The following SUN1 variants were observed in gnomAD, a reference collection of about 807,000 sequenced individuals.
SUN1 encodes Sad1 and UNC84 domain containing 1, also known as SUN domain-containing protein 1.
A neutral mutation model predicts 103.2 loss-of-function variants in SUN1; 61 were observed. The ratio of observed to expected loss-of-function variants is 0.59; its 90% CI spans 0.48 to 0.73. SUN1 has a LOEUF of 0.73. Ranked by LOEUF, SUN1 falls within the 30% of genes least tolerant of loss-of-function variation. The pLI is 0.00. For synonymous variants in SUN1, 490 were observed against 425.7 expected, an observed-to-expected ratio of 1.15 and a Z score of -1.86; for missense variants, 1,052 against 1,034.6, an observed-to-expected ratio of 1.02 and a Z score of -0.23.
intron 5 of SUN1, chr7:848,333 A>G (rs954108074): frequency 8.4e-7 from 1 of 1,186,124 alleles, no homozygotes. Flanking sequence ...AGTGCCTGAA[A>G]TGAATAATTT....
intron 17 of SUN1, among the ~76,000 whole-genome samples, chr7:872,127 A>G (rs1242961315): frequency 6.6e-6 from 1 of 152,180 alleles, no homozygotes; most frequent in Admixed American, 6.5e-5. Context: ...CAGAGCTTCC[A>G]CTGTGAGTGC....
chr7:820,310 C>T (rs562147240), intron 1 of SUN1, among the ~76,000 whole-genome samples: 1 of 152,132 alleles, frequency 6.6e-6, no homozygotes, highest in Non-Finnish European at 1.5e-5. Flanking sequence ...AAATTTATTC[C>T]TAAGTTTTTA....
At chr7:815,854 G>C (rs1381179142), upstream of SUN1, 1 of 209,322 alleles carries the variant, frequency 4.8e-6, no homozygotes, top group Non-Finnish European at 9.9e-6. Context: ...CGCACGCCCG[G>C]AGCGGCGGGG....
At position 873,223 on chromosome 7, in the gene SUN1, C is replaced by T. The variant is rs61741990; in HGVS notation, c.2250C>T (p.Pro750=). The T allele has an allele frequency of 2.7e-3, 4,401 of 1,614,144 alleles. 11 individuals are homozygous for T. The highest frequency in any genetic ancestry group is 3.1e-3 in the Non-Finnish European group (3,617 of 1,179,996). ...SLQMFQALKR[P]DDTAFQIVEL... is the part of the protein sequence containing the mutation. ...TCCCACCTTGATTTCAGAAAAGACC[C>T]GACGACACAGCTTTCCAAATAGTGG... The change falls in exon 19 of 19, where the codon CCC becomes CCT. Residue 750 remains proline, a synonymous_variant. Coordinates refer to ENST00000401592, the MANE Select transcript of SUN1 (RefSeq NM_001130965.3).
intron 5 of SUN1, chr7:849,676 G>C (rs1820001126): frequency 6.7e-7 from 1 of 1,484,880 alleles, no homozygotes; most frequent in East Asian, 2.4e-5. Flanking sequence ...TTGGGTACTA[G>C]CAGTAGAGAA....
upstream of SUN1, chr7:816,149 C>A: frequency 3.6e-6 from 1 of 277,696 alleles, no homozygotes; most frequent in Admixed American, 5.9e-5. Flanking sequence ...CCAACGTAGA[C>A]CGCGTATCTG....
At chr7:850,074 C>A in intron 5 of SUN1, 1 of 1,506,156 alleles carries the variant, frequency 6.6e-7, no homozygotes, top group Non-Finnish European at 9.0e-7. Context: ...CGCCCTGTCA[C>A]CATGCTATTT....
Position 860,249 on chromosome 7 carries a change from C to T in SUN1, c.1646C>T (p.Thr549Met), listed in dbSNP as rs114015310. 3,538 of 1,614,222 alleles carry T rather than the reference C, an allele frequency of 2.2e-3. 87 individuals are homozygous for T. In the African/African-American group the frequency reaches 0.042, roughly 19 times the overall value. Residue 549 changes from threonine (T) to methionine (M), a missense_variant, in exon 14 of 19, where the codon ACG (threonine) becomes ATG (methionine). By Grantham distance (81) the Thr-to-Met change is moderately conservative (BLOSUM62 -1). Coordinates refer to ENST00000401592, the MANE Select transcript of SUN1 (RefSeq NM_001130965.3). ...TTTGTGAGCAAAGGCGACTTGCAGA[C>T]GATGCTGCGAGACCTGCAGCTGCAG... is the stretch of plus-strand genomic sequence containing the variant. ...SQFVSKGDLQTMLRDLQLQIL... is the reference protein window; with the variant it reads ...SQFVSKGDLQMMLRDLQLQIL...
At chr7:856,451 G>C in intron 12 of SUN1, 50 bp downstream of exon 12, 1 of 1,597,482 alleles carries the variant, frequency 6.3e-7, no homozygotes, top group South Asian at 1.1e-5. Flanking sequence ...TGTGTGTGTG[G>C]TTATGTGGAG....
chr7:856,434 T>C, intron 12 of SUN1, 33 bp downstream of exon 12: 2 of 1,613,164 alleles, frequency 1.2e-6, no homozygotes, highest in Non-Finnish European at 1.7e-6. Context: ...CACTTTTGTC[T>C]TCGGTGTGTG....
At chr7:832,830 G>C (rs760397623) in intron 1 of SUN1, 12 of 504,638 alleles carry the variant, frequency 2.4e-5, no homozygotes, top group Non-Finnish European at 3.5e-5. Flanking sequence ...CATCGCACAT[G>C]GCTTGCTGGC....
intron 15 of SUN1, among the ~76,000 whole-genome samples, chr7:864,037 A>T (rs570143361): frequency 1.5e-4 from 23 of 152,364 alleles, no homozygotes; most frequent in African/African-American, 5.3e-4. Context: ...CTGGTATTAG[A>T]TAATATCCTT....
At chr7:848,155 C>A (rs556706438) in intron 5 of SUN1, among the ~76,000 whole-genome samples, 32 of 150,344 alleles carry the variant, frequency 2.1e-4, no homozygotes, top group Middle Eastern at 6.9e-3. Flanking sequence ...TCTCCAGGAT[C>A]CCCTGGGGGT....
At chr7:824,561 A>G (rs1444433111) in intron 1 of SUN1, among the ~76,000 whole-genome samples, 3 of 152,218 alleles carry the variant, frequency 2.0e-5, no homozygotes, top group Admixed American at 1.3e-4. Flanking sequence ...TTTTGCTGAA[A>G]CACTGTGATG....
At chr7:821,810 G>A (rs1353242390) in intron 1 of SUN1, among the ~76,000 whole-genome samples, 1 of 152,192 alleles carries the variant, frequency 6.6e-6, no homozygotes, top group African/African-American at 2.4e-5. Flanking sequence ...CCTGAACACA[G>A]CGGGAAAGGG....
At chr7:859,148 G>A (rs1220944843) in intron 13 of SUN1, among the ~76,000 whole-genome samples, 5 of 143,420 alleles carry the variant, frequency 3.5e-5, no homozygotes, top group African/African-American at 1.1e-4. Context: ...GCAAGACTCC[G>A]TCTCAAAAAA....
chr7:830,372 C>A (rs540229812), upstream of SUN1, among the ~76,000 whole-genome samples: 1 of 152,214 alleles, frequency 6.6e-6, no homozygotes, highest in African/African-American at 2.4e-5. Context: ...AGATCCTGGA[C>A]AGGTGTCATT....
In SUN1 at chr7:874,692, CAA is replaced by C. The variant is rs995184779; in HGVS notation, c.*1364_*1365del. ...TATATTACAGGTTACATATATAAAT[CAA>C]AATTTCCTATATAAAACTGATTTGG... is the stretch of plus-strand genomic sequence containing the variant. On this transcript the variant is annotated 3_prime_UTR_variant, in exon 19 of 19. Coordinates refer to ENST00000401592, the MANE Select transcript of SUN1 (RefSeq NM_001130965.3). 4.0e-4 allele frequency: 61 copies of C among 152,144 alleles called. No homozygotes were observed. Among genetic ancestry groups the C allele is most frequent in the African/African-American group, 1.4e-3 (57 of 41,498 alleles). The allele number at this position is 152,144 out of a possible 1,614,324, so 9.4% of individuals were successfully genotyped here.
rs763760640 is a variant in SUN1, at chr7:854,129, T to A, written c.1263+511T>A. On this transcript the variant is annotated intron_variant, in intron 10 of 18. Transcript: ENST00000401592. ...TCTTGTGAAGAAAACAGCCGACAGC[T>A]GTTCAGAACCGTTGCGTGAAAACTG... 1.7e-4 allele frequency among the ~76,000 whole-genome samples: 26 copies of A among 152,358 alleles called. No individual in the cohort carries two copies. In the Middle Eastern group the frequency reaches 0.014, roughly 80 times the overall value.
Sources: allele counts gnomAD v4.1 joint callset (sites outside exome capture counted in the v4.1 genomes callset), GRCh38; gene constraint gnomAD v4.1.1; transcripts MANE v1.5; gene names NCBI Gene and HGNC (gene_info 2026-07-23, HGNC 2026-07-21).